The following PTPRT variants were observed in gnomAD, a reference collection of about 807,000 sequenced individuals.
The protein encoded by PTPRT is protein tyrosine phosphatase receptor type T.
Under a neutral mutation model 176.8 loss-of-function variants are expected in PTPRT, and 56 were observed. The ratio of observed to expected loss-of-function variants is 0.32; its 90% confidence interval spans 0.26 to 0.40. The LOEUF is 0.40. Among genes scored for constraint, PTPRT ranks in the 10% least tolerant of loss-of-function variants. PTPRT has a pLI of 1.00. For synonymous variants in PTPRT, 783 were observed against 739.0 expected, an observed-to-expected ratio of 1.06 and a Z score of -0.96; for missense variants, 1,540 against 1,908.2, an observed-to-expected ratio of 0.81 and a Z score of 3.60.
At chr20:42,529,419 G>C (rs778740058) in intron 7 of PTPRT, among the ~76,000 whole-genome samples, 7 of 152,170 alleles carry the variant, frequency 4.6e-5, no homozygotes, top group African/African-American at 9.7e-5. Context: ...GGAGAAGGAG[G>C]AGCCAACTGC....
chr20:42,672,249 A>C (rs1434581418), intron 7 of PTPRT, among the ~76,000 whole-genome samples: 2 of 152,192 alleles, frequency 1.3e-5, no homozygotes, highest in Non-Finnish European at 2.9e-5. Flanking sequence ...GCATGGCCAG[A>C]ATAAAAGCAG....
rs1461587602 is a variant in PTPRT, at chr20:42,810,479, G to C, written c.215-19013C>G. Among the ~76,000 whole-genome samples the C allele has an allele frequency of 2.0e-5, 3 of 152,158 alleles. No homozygotes were observed. In the East Asian group the frequency reaches 5.8e-4, roughly 29 times the overall value. On this transcript the variant is annotated intron_variant, in intron 2 of 30. Transcript: ENST00000373187. ...GCTCTCACCCCACGGCTATGGGACT[G>C]GTCTGGTCAGGACCTGGAGACTCCT...
At chr20:42,972,685 A>AAG (rs1555811322) in intron 1 of PTPRT, among the ~76,000 whole-genome samples, 1 of 147,350 alleles carries the variant, frequency 6.8e-6, no homozygotes, top group Non-Finnish European at 1.5e-5. Flanking sequence ...GCAAAAAAAA[A>AAG]AAAAAAAAAA....
intron 16 of PTPRT, among the ~76,000 whole-genome samples, chr20:42,171,146 T>A (rs565937647): frequency 1.3e-5 from 2 of 152,156 alleles, no homozygotes; most frequent in Non-Finnish European, 2.9e-5. Context: ...CCCTGACACA[T>A]AAAGAATAAG....
chr20:42,614,349 G>T (rs2074027545), intron 7 of PTPRT, among the ~76,000 whole-genome samples: 1 of 152,072 alleles, frequency 6.6e-6, no homozygotes, highest in African/African-American at 2.4e-5. Flanking sequence ...TCCAAATAAG[G>T]TCATATTCTG....
intron 1 of PTPRT, among the ~76,000 whole-genome samples, chr20:43,084,435 GA>G (rs759728276): frequency 4.9e-4 from 75 of 152,298 alleles, no homozygotes; most frequent in Admixed American, 1.2e-3. Context: ...ATGATGGTAG[GA>G]GACAGAGCAA....
chr20:42,942,055 G>A (rs748744216), intron 1 of PTPRT, among the ~76,000 whole-genome samples: 2 of 152,180 alleles, frequency 1.3e-5, no homozygotes, highest in African/African-American at 4.8e-5. Context: ...GGTTGAGCCC[G>A]GAAGAAAGAA....
chr20:42,350,719 G>T lies in PTPRT; in HGVS notation c.1774C>A (p.Pro592Thr). ...IATKISAPSM[P>T]EYDTDTPLNE... ...AATGGGGTGTCTGTGTCGTACTCAGGCATGGATGGAGCTGGACAGGAAACA... is the reference window on the plus strand; with the variant it reads ...AATGGGGTGTCTGTGTCGTACTCAGTCATGGATGGAGCTGGACAGGAAACA... The change falls in exon 11 of 31, where the codon CCT (proline) becomes ACT (threonine). Residue 592 changes from proline to threonine, a missense_variant. Pro to Thr is a conservative substitution (Grantham distance 38, BLOSUM62 -1). Around this residue, in one of 11 missense-constraint regions of PTPRT, gnomAD observed 136 missense variants for 135.0 expected, o/e 1.01. Coordinates refer to ENST00000373187, the MANE Select transcript of PTPRT (RefSeq NM_007050.6). The T allele has an allele frequency of 6.2e-7, 1 of 1,611,944 alleles. No homozygotes were observed. The highest frequency in any genetic ancestry group is 1.1e-5 in the South Asian group (1 of 91,046).
In PTPRT at chr20:42,435,992, G is replaced by C. The variant is rs954450921; in HGVS notation, c.1560+12228C>G. Among the ~76,000 whole-genome samples, 7 of 152,182 alleles carry C rather than the reference G, an allele frequency of 4.6e-5. 1 individual carries two copies. Among genetic ancestry groups the C allele is most frequent in the African/African-American group, 1.7e-4 (7 of 41,452 alleles). Reference sequence around the variant, plus strand: ...TTTGGCATAAGTCAGATATGGCCTGGTAGAGCAGGGAAGGAGAGACTGTAA... The same window carrying C: ...TTTGGCATAAGTCAGATATGGCCTGCTAGAGCAGGGAAGGAGAGACTGTAA... On this transcript the variant is annotated intron_variant, in intron 9 of 30. Coordinates refer to ENST00000373187, the MANE Select transcript of PTPRT (RefSeq NM_007050.6).
At chr20:42,062,707 C>T in the PTPRT span, among the ~76,000 whole-genome samples, 2 of 152,208 alleles carry the variant, frequency 1.3e-5, no homozygotes, top group African/African-American at 2.4e-5. Context: ...GGCAGGCCTG[C>T]ACTCATGGGC....
At chr20:43,152,239 G>A (rs143299664) in intron 1 of PTPRT, among the ~76,000 whole-genome samples, 104 of 152,296 alleles carry the variant, frequency 6.8e-4, no homozygotes, top group African/African-American at 2.3e-3. Context: ...AAATATGCCA[G>A]AATATTAAAG....
chr20:42,837,175 C>A (rs2145713219), intron 2 of PTPRT, among the ~76,000 whole-genome samples: 1 of 152,318 alleles, frequency 6.6e-6, no homozygotes, highest in South Asian at 2.1e-4. Flanking sequence ...GCCCTGGATT[C>A]AGCTCCAGTT....
chr20:42,926,580 G>A (rs1377617935), intron 1 of PTPRT, among the ~76,000 whole-genome samples: 1 of 152,126 alleles, frequency 6.6e-6, no homozygotes, highest in Non-Finnish European at 1.5e-5. Flanking sequence ...TGTGCCCTCT[G>A]GTGGGATGAC....
intron 9 of PTPRT, among the ~76,000 whole-genome samples, chr20:42,420,015 CGGAGGGGGTGG>C (rs1738433458): frequency 6.6e-6 from 1 of 152,092 alleles, no homozygotes; most frequent in African/African-American, 2.4e-5. Flanking sequence ...CAACAGCCTT[CGGAGGGGGTGG>C]GGACCTGCTG....
chr20:42,791,049 C>T, intron 3 of PTPRT, 146 bp downstream of exon 3: 1 of 985,908 alleles, frequency 1.0e-6, no homozygotes, highest in South Asian at 2.0e-5. Flanking sequence ...GTTAGGTCAC[C>T]TCTGCAGAGC....
intron 1 of PTPRT, among the ~76,000 whole-genome samples, chr20:43,090,018 G>A (rs975086090): frequency 1.3e-5 from 2 of 152,106 alleles, no homozygotes; most frequent in African/African-American, 2.4e-5. Flanking sequence ...TCACCTGCCC[G>A]TGGACAAACA....
intron 7 of PTPRT, among the ~76,000 whole-genome samples, chr20:42,555,586 T>C (rs1568974078): frequency 6.6e-6 from 1 of 152,158 alleles, no homozygotes; most frequent in African/African-American, 2.4e-5. Context: ...CCAAGATGAC[T>C]ATGCATCCCG....
intron 8 of PTPRT, among the ~76,000 whole-genome samples, chr20:42,459,038 T>C (rs2070972287): frequency 6.6e-6 from 1 of 152,178 alleles, no homozygotes; most frequent in Admixed American, 6.5e-5. Flanking sequence ...ACAAAGAGTG[T>C]GCTGTAGGAG....
intron 15 of PTPRT, among the ~76,000 whole-genome samples, chr20:42,212,608 G>A (rs2055670823): frequency 1.3e-5 from 2 of 152,056 alleles, no homozygotes; most frequent in African/African-American, 4.8e-5. Flanking sequence ...GCAAGCTCTT[G>A]CAAGTTACTG....
Sources: gnomAD v4.1 joint callset for allele counts (sites outside exome capture counted in the v4.1 genomes callset) on GRCh38, gnomAD v4.1.1 for gene constraint, gnomAD v4.1.1 regional missense constraint, MANE v1.5 for transcripts, NCBI Gene and HGNC (gene_info 2026-07-23, HGNC 2026-07-21) for gene names.